The following SCARA3 variants were observed in gnomAD, a reference collection of about 807,000 sequenced individuals.
SCARA3 encodes cellular stress response gene protein.
In SCARA3, 39 loss-of-function variants were observed where a neutral mutation model predicts 47.0. The observed-to-expected ratio is 0.83, with a 90% CI of 0.64 to 1.08. SCARA3 has a LOEUF of 1.08. Ranked by LOEUF, SCARA3 falls within the 50% of genes least tolerant of loss-of-function variation. SCARA3 has a pLI of 0.00. For missense variants in SCARA3, 724 were observed against 792.3 expected (o/e 0.91, Z 1.04); for synonymous variants, 356 against 334.1 (o/e 1.07, Z -0.71).
the SCARA3 span, chr8:27,702,525 T>C: frequency 6.6e-6 from 1 of 152,126 alleles, no homozygotes; most frequent in Non-Finnish European, 1.5e-5. Context: ...AGAAAAACAA[T>C]AACCAGTGGG....
intron 1 of SCARA3, among the ~76,000 whole-genome samples, chr8:27,649,354 TAGA>T (rs1348601353): frequency 6.6e-6 from 1 of 152,206 alleles, no homozygotes; most frequent in Admixed American, 6.5e-5. Flanking sequence ...TATTGGGGAA[TAGA>T]AGGACGCTAA....
chr8:27,649,705 G>T lies in SCARA3; in HGVS notation c.11G>T (p.Arg4Met). Residue 4 changes from arginine to methionine, a missense_variant, in exon 2 of 6, where the codon AGG (arginine) becomes ATG (methionine). Coordinates refer to ENST00000301904, the MANE Select transcript of SCARA3 (RefSeq NM_016240.3). MKVRSAGGDGDALC... is the reference protein window; with the variant it reads MKVMSAGGDGDALC... Reference sequence around the variant, plus strand: ...GACGGCACTGGCTTCATTATAGTGAGGTCGGCCGGCGGCGATGGAGATGCC... The same window carrying T: ...GACGGCACTGGCTTCATTATAGTGATGTCGGCCGGCGGCGATGGAGATGCC... 6.2e-7 allele frequency: 1 copy of T among 1,614,084 alleles called. No individual in the cohort carries two copies. The highest frequency in any genetic ancestry group is 1.1e-5 in the South Asian group (1 of 91,048).
Position 27,671,712 on chromosome 8 carries a change from A to G in SCARA3, c.*361A>G, listed in dbSNP as rs978487459. 4 of 1,062,868 alleles carry G rather than the reference A, an allele frequency of 3.8e-6. No individual in the cohort carries two copies. The highest frequency in any genetic ancestry group is 4.5e-6 in the Non-Finnish European group (4 of 879,774). 65.8% of individuals were successfully genotyped at this position (1,062,868 alleles called of 1,614,324 possible). On this transcript the variant is annotated 3_prime_UTR_variant, in exon 6 of 6. Transcript: ENST00000301904. ...CACATACACAGGCACACATGCATGC[A>G]CACATACACATGCACACACACATGC...
At chr8:27,699,101 G>A in the SCARA3 span, among the ~76,000 whole-genome samples, 517 of 151,718 alleles carry the variant, frequency 3.4e-3, 5 homozygotes, top group African/African-American at 0.011. Context: ...AAAATTAGCC[G>A]GGCATGGTGG....
chr8:27,683,126 A>G, the SCARA3 span, among the ~76,000 whole-genome samples: 1 of 152,194 alleles, frequency 6.6e-6, no homozygotes, highest in African/African-American at 2.4e-5. Flanking sequence ...ATTAGACACA[A>G]AAATATGGAT....
the SCARA3 span, among the ~76,000 whole-genome samples, chr8:27,711,727 T>A: frequency 6.6e-6 from 1 of 152,024 alleles, no homozygotes; most frequent in Admixed American, 6.5e-5. Context: ...TATCATAATT[T>A]AAATTATTAT....
the SCARA3 span, chr8:27,701,838 T>C: frequency 1.9e-5 from 3 of 154,354 alleles, no homozygotes; most frequent in South Asian, 6.1e-4. Context: ...ACCAACCAAG[T>C]ATGCCCCAAA....
intron 1 of SCARA3, among the ~76,000 whole-genome samples, chr8:27,640,428 C>T (rs2128915010): frequency 6.6e-6 from 1 of 152,136 alleles, no homozygotes; most frequent in African/African-American, 2.4e-5. Context: ...ACTCTGTGCC[C>T]AGGCTGGAGT....
Position 27,673,014 on chromosome 8 carries a change from C to T in SCARA3, c.*1663C>T, listed in dbSNP as rs1350991270. The T allele has an allele frequency of 2.1e-5, 21 of 984,834 alleles. No individual in the cohort carries two copies. Among genetic ancestry groups the T allele is most frequent in the East Asian group, 1.1e-4 (1 of 8,826 alleles). 61.0% of individuals were successfully genotyped at this position (984,834 alleles called of 1,614,324 possible). A position where few individuals can be genotyped will look rare whatever the true frequency, so the allele number is the denominator to read the frequency against. On this transcript the variant is annotated 3_prime_UTR_variant, in exon 6 of 6. Coordinates refer to ENST00000301904, the MANE Select transcript of SCARA3 (RefSeq NM_016240.3). ...TACTGACTCAGTAAAGAGCTATTTC[C>T]AGGAGTGAGGTGTCTTTGAGTCCTT...
In SCARA3 at chr8:27,667,142, C is replaced by T. The variant is rs138888205; in HGVS notation, c.1370-3758C>T. On this transcript the variant is annotated intron_variant, in intron 5 of 5. Transcript: ENST00000301904. ...GTTATTGGCAGGGTCAGTGGCACCC[C>T]GGCCTGGAGGGGCCTTGGTCAGCCT... Among the ~76,000 whole-genome samples the T allele has an allele frequency of 3.5e-3, 532 of 152,322 alleles. 2 individuals are homozygous for T. The highest frequency in any genetic ancestry group is 0.012 in the African/African-American group (480 of 41,580).
intron 5 of SCARA3, among the ~76,000 whole-genome samples, chr8:27,663,128 C>T (rs960432258): frequency 1.3e-5 from 2 of 152,260 alleles, no homozygotes; most frequent in Non-Finnish European, 2.9e-5. Context: ...CATAGTCACA[C>T]ATCTGACCAT....
At chr8:27,637,265 C>T (rs1288624214) in intron 1 of SCARA3, among the ~76,000 whole-genome samples, 2 of 151,926 alleles carry the variant, frequency 1.3e-5, no homozygotes, top group African/African-American at 2.4e-5. Context: ...AAGCTGGCAC[C>T]TGGCCCCTCT....
chr8:27,705,792 T>C, the SCARA3 span, among the ~76,000 whole-genome samples: 1 of 152,246 alleles, frequency 6.6e-6, no homozygotes, highest in East Asian at 1.9e-4. Flanking sequence ...ACCCTAGCGA[T>C]ATACACTGGG....
At position 27,659,537 on chromosome 8, in the gene SCARA3, G is replaced by A. The variant is rs779221384; in HGVS notation, c.1367G>A (p.Arg456Gln). The A allele has an allele frequency of 3.7e-6, 6 of 1,601,762 alleles. No homozygotes were observed. The highest frequency in any genetic ancestry group is 1.7e-5 in the Admixed American group (1 of 59,358). Reference protein sequence around the residue: ...GEILRNVTILRGAPGPPGPRG... With the variant: ...GEILRNVTILQGAPGPPGPRG... ...ATCCTTCGCAATGTCACCATCCTACGAGGTAAGAGCTGGGTCCAGGTAGGG... is the reference window on the plus strand; with the variant it reads ...ATCCTTCGCAATGTCACCATCCTACAAGGTAAGAGCTGGGTCCAGGTAGGG... Residue 456 changes from arginine (R) to glutamine (Q), a missense_variant and splice_region_variant, in exon 5 of 6, where the codon CGA becomes CAA. Arg to Gln is a conservative substitution (Grantham distance 43, BLOSUM62 1). Transcript: ENST00000301904.
Position 27,671,179 on chromosome 8 carries a change from G to A in SCARA3, c.1649G>A (p.Gly550Glu), listed in dbSNP as rs1361981816. 1 of 1,516,444 alleles carries A rather than the reference G, an allele frequency of 6.6e-7. No homozygotes were observed. The highest frequency in any genetic ancestry group is 8.8e-7 in the Non-Finnish European group (1 of 1,137,482). 93.9% of individuals were successfully genotyped at this position (1,516,444 alleles called of 1,614,324 possible). Residue 550 changes from glycine to glutamate, a missense_variant, in exon 6 of 6, where the codon GGG becomes GAG. Transcript: ENST00000301904. ...KGDIGPPGPE[G>E]PPGSPGPSGP... ...GACATAGGGCCCCCAGGGCCAGAAGGGCCCCCGGGGTCTCCAGGGCCCTCA... is the reference window on the plus strand; with the variant it reads ...GACATAGGGCCCCCAGGGCCAGAAGAGCCCCCGGGGTCTCCAGGGCCCTCA...
chr8:27,649,909 G>C, intron 2 of SCARA3, 109 bp downstream of exon 2: 1 of 937,126 alleles, frequency 1.1e-6, no homozygotes, highest in East Asian at 2.6e-5. Flanking sequence ...AAAAGCCTGG[G>C]TGTCCTTTCC....
At chr8:27,646,217 TC>T (rs1237317445) in intron 1 of SCARA3, among the ~76,000 whole-genome samples, 3 of 152,008 alleles carry the variant, frequency 2.0e-5, no homozygotes, top group South Asian at 2.1e-4. Flanking sequence ...ACACCCGTGG[TC>T]CCCCTAGTCT....
downstream of SCARA3, among the ~76,000 whole-genome samples, chr8:27,681,548 G>T (rs557159636): frequency 2.6e-5 from 4 of 151,932 alleles, no homozygotes; most frequent in African/African-American, 9.7e-5. Flanking sequence ...ACAGAAGCGA[G>T]ACTTCATCTC....
chr8:27,712,196 T>C, the SCARA3 span, among the ~76,000 whole-genome samples: 82 of 152,358 alleles, frequency 5.4e-4, no homozygotes, highest in Non-Finnish European at 9.1e-4. Context: ...TTTTTCAGAA[T>C]GTCACATAGT....
Sources: allele counts gnomAD v4.1 joint callset (sites outside exome capture counted in the v4.1 genomes callset), GRCh38; gene constraint gnomAD v4.1.1; transcripts MANE v1.5; gene names NCBI Gene and HGNC (gene_info 2026-07-23, HGNC 2026-07-21).